The following PTPRM variants were observed in gnomAD, a reference collection of about 807,000 sequenced individuals.
PTPRM encodes receptor-type tyrosine-protein phosphatase mu.
A neutral mutation model predicts 186.7 loss-of-function variants in PTPRM; 47 were observed. The ratio of observed to expected loss-of-function variants is 0.25; its 90% CI spans 0.20 to 0.32. The LOEUF (loss-of-function observed/expected upper bound fraction) is 0.32. Ranked by LOEUF, PTPRM falls within the 10% of genes least tolerant of loss-of-function variation. The pLI is 1.00. For missense variants in PTPRM, 1,494 were observed against 1,865.0 expected, an observed-to-expected ratio of 0.80 and a Z score of 3.66; for synonymous variants, 668 against 674.9, an observed-to-expected ratio of 0.99 and a Z score of 0.16.
intron 7 of PTPRM, among the ~76,000 whole-genome samples, chr18:8,032,739 T>C (rs1006414723): frequency 6.6e-6 from 1 of 151,972 alleles, no homozygotes; most frequent in Non-Finnish European, 1.5e-5. Context: ...AGGATAAAAA[T>C]AGAAAATACA....
At chr18:8,095,877 G>A (rs1400060765) in intron 11 of PTPRM, among the ~76,000 whole-genome samples, 2 of 152,054 alleles carry the variant, frequency 1.3e-5, no homozygotes, top group Admixed American at 6.6e-5. Flanking sequence ...AACTAGCCTA[G>A]CAATGACTTT....
intron 22 of PTPRM, 86 bp downstream of exon 22, chr18:8,319,300 A>G (rs2095330814): frequency 1.0e-6 from 1 of 962,180 alleles, no homozygotes; most frequent in Non-Finnish European, 1.6e-6. Context: ...TCCTTCAGGA[A>G]GATATTGCAC....
rs1230569737 is a variant in PTPRM at position 8,211,395 on chromosome 18, T to G, written c.2301-32663T>G. On this transcript the variant is annotated intron_variant, in intron 14 of 32. Transcript: ENST00000580170. ...TCTTCTTCTTTTTTTTTTTTTTTTT[T>G]TTTTTTTGTTTGTTTCTAAGACAGA... Among the ~76,000 whole-genome samples, 253 of 142,198 alleles carry G rather than the reference T, an allele frequency of 1.8e-3. 1 individual carries two copies. The highest frequency in any genetic ancestry group is 6.2e-3 in the African/African-American group (238 of 38,498). The allele number at this position is 142,198 out of a possible 152,430, so 93.3% of individuals were successfully genotyped here.
rs561345240 is a variant in PTPRM at position 8,240,118 on chromosome 18, G to A, written c.2301-3940G>A. On this transcript the variant is annotated intron_variant, in intron 14 of 32. Transcript: ENST00000580170. ...ACTTGAAAAAAGTAAGGTCTGAAAC[G>A]GGAGGCTCAAAAGAGGGAGAAAGAA... Among the ~76,000 whole-genome samples, 49 of 152,204 alleles carry A rather than the reference G, an allele frequency of 3.2e-4. 1 individual carries two copies. Among genetic ancestry groups the A allele is most frequent in the African/African-American group, 9.9e-4 (41 of 41,540 alleles).
At chr18:8,178,216 C>A (rs143172550) in intron 14 of PTPRM, among the ~76,000 whole-genome samples, 1 of 152,202 alleles carries the variant, frequency 6.6e-6, no homozygotes, top group African/African-American at 2.4e-5. Context: ...TGAGCTATAG[C>A]CAGAGATCAT....
At chr18:8,095,277 C>T (rs1300778129) in intron 11 of PTPRM, among the ~76,000 whole-genome samples, 2 of 151,958 alleles carry the variant, frequency 1.3e-5, no homozygotes, top group Non-Finnish European at 2.9e-5. Flanking sequence ...ACCCTGGGGC[C>T]AAGTAGCTGA....
At position 8,027,824 on chromosome 18, in the gene PTPRM, A is replaced by G. The variant is rs1352115481; in HGVS notation, c.1133-41862A>G. Among the ~76,000 whole-genome samples the G allele has an allele frequency of 6.6e-5, 10 of 152,338 alleles. 1 individual carries two copies. Among genetic ancestry groups the G allele is most frequent in the Non-Finnish European group, 1.5e-4 (10 of 68,028 alleles). On this transcript the variant is annotated intron_variant, in intron 7 of 32. Transcript: ENST00000580170. ...TATATTTTAAAAAAATTGCAAATAA[A>G]GAAGTAGAATTTATCACTGGGTCAC...
chr18:8,073,756 A>G (rs1231393406), intron 8 of PTPRM, among the ~76,000 whole-genome samples: 2 of 152,138 alleles, frequency 1.3e-5, no homozygotes, highest in Non-Finnish European at 2.9e-5. Context: ...ATTAAAAATA[A>G]ATTAGCTGGC....
At chr18:7,736,424 A>G (rs1220027589) in intron 1 of PTPRM, among the ~76,000 whole-genome samples, 3 of 152,116 alleles carry the variant, frequency 2.0e-5, no homozygotes, top group African/African-American at 2.4e-5. Flanking sequence ...GGCTCAAGCA[A>G]TTCTCCTGCC....
At chr18:7,854,536 C>T (rs1459163133) in intron 2 of PTPRM, among the ~76,000 whole-genome samples, 1 of 152,062 alleles carries the variant, frequency 6.6e-6, no homozygotes, top group Non-Finnish European at 1.5e-5. Flanking sequence ...CTGGCAGGTA[C>T]TTGAAAATGC....
chr18:8,151,729 G>A (rs1600860631), intron 14 of PTPRM, among the ~76,000 whole-genome samples: 1 of 150,972 alleles, frequency 6.6e-6, no homozygotes, highest in Non-Finnish European at 1.5e-5. Context: ...GAGCTAGTTC[G>A]GTGTCTGCCC....
At chr18:8,275,092 C>T (rs957312558) in intron 19 of PTPRM, among the ~76,000 whole-genome samples, 1 of 152,108 alleles carries the variant, frequency 6.6e-6, no homozygotes, top group Non-Finnish European at 1.5e-5. Context: ...ATCAAAGCAT[C>T]CCTGTCTCAG....
At chr18:7,787,901 G>C (rs602337) in intron 2 of PTPRM, among the ~76,000 whole-genome samples, 102,496 of 152,178 alleles carry the variant, frequency 0.67, 36,425 homozygotes, top group East Asian at 0.98. Flanking sequence ...CATTGGGCAT[G>C]AGAGCAGTGG....
intron 1 of PTPRM, among the ~76,000 whole-genome samples, chr18:7,669,214 A>G (rs1283215761): frequency 6.6e-6 from 1 of 152,122 alleles, no homozygotes. Context: ...AGAATTCAGC[A>G]GGGGGATCCT....
chr18:7,656,271 A>C (rs1448138677), intron 1 of PTPRM, among the ~76,000 whole-genome samples: 1 of 152,246 alleles, frequency 6.6e-6, no homozygotes, highest in Non-Finnish European at 1.5e-5. Context: ...GTGTTACAAC[A>C]CAAATGAACC....
chr18:8,152,540 T>C (rs767180794), intron 14 of PTPRM, among the ~76,000 whole-genome samples: 39 of 152,178 alleles, frequency 2.6e-4, no homozygotes, highest in Admixed American at 1.2e-3. Flanking sequence ...TATCTCTTTT[T>C]CTACCCATCG....
intron 5 of PTPRM, among the ~76,000 whole-genome samples, chr18:7,945,610 A>G (rs574989876): frequency 6.6e-5 from 10 of 152,342 alleles, no homozygotes; most frequent in African/African-American, 9.6e-5. Context: ...GTTATAAGCA[A>G]CAGAAAACAG....
At chr18:7,588,139 T>G (rs920503902) in intron 1 of PTPRM, among the ~76,000 whole-genome samples, 7 of 152,162 alleles carry the variant, frequency 4.6e-5, no homozygotes, top group Admixed American at 3.9e-4. Context: ...AAAGTGAGGA[T>G]TCTGATTAAA....
At chr18:7,749,598 A>G (rs2041114069) in intron 1 of PTPRM, among the ~76,000 whole-genome samples, 1 of 152,076 alleles carries the variant, frequency 6.6e-6, no homozygotes. Context: ...CTGGAAGGGT[A>G]ATTAGAGTCT....
Sources: gnomAD v4.1 joint callset for allele counts (sites outside exome capture counted in the v4.1 genomes callset) on GRCh38, gnomAD v4.1.1 for gene constraint, MANE v1.5 for transcripts, NCBI Gene and HGNC (gene_info 2026-07-23, HGNC 2026-07-21) for gene names.